The following RRN3 variants were observed in gnomAD, a reference collection of about 807,000 sequenced individuals.
RRN3 encodes RNA polymerase I transcription factor RRN3, also known as RNA polymerase I-specific transcription initiation factor RRN3.
Under a neutral mutation model 82.3 loss-of-function variants are expected in RRN3, and 38 were observed. The ratio of observed to expected loss-of-function variants is 0.46; its 90% confidence interval spans 0.36 to 0.61. The LOEUF is 0.61. Among genes scored for constraint, RRN3 ranks in the 20% least tolerant of loss-of-function variants. RRN3 has a pLI of 0.00. For synonymous variants in RRN3, 284 were observed against 284.3 expected (o/e 1.00, Z 0.01); for missense variants, 726 against 793.1 (o/e 0.92, Z 1.02).
intron 7 of RRN3, among the ~76,000 whole-genome samples, chr16:15,084,000 G>A (rs549222319): frequency 6.6e-6 from 1 of 152,336 alleles, no homozygotes; most frequent in South Asian, 2.1e-4. Context: ...ACAGGCGTGA[G>A]CCACCGCGCC....
intron 7 of RRN3, 22 bp from the exon 8 acceptor site, chr16:15,083,604 A>G (rs1308985642): frequency 6.3e-7 from 1 of 1,587,576 alleles, no homozygotes; most frequent in Non-Finnish European, 8.6e-7. Context: ...AAATTAAATC[A>G]ATCCATGTTA....
At chr16:15,065,096 G>T in intron 16 of RRN3, 123 bp downstream of exon 16, 10 of 942,152 alleles carry the variant, frequency 1.1e-5, no homozygotes, top group Non-Finnish European at 1.6e-5. Context: ...AACCCGGGAG[G>T]CGGAGCTTGC....
intron 2 of RRN3, among the ~76,000 whole-genome samples, chr16:15,091,676 T>C (rs1205383505): frequency 2.0e-5 from 3 of 152,230 alleles, no homozygotes; most frequent in African/African-American, 4.8e-5. Flanking sequence ...CAGCCAGCTA[T>C]AATGATCTAA....
intron 10 of RRN3, among the ~76,000 whole-genome samples, chr16:15,076,229 A>C (rs1470981029): frequency 6.6e-6 from 1 of 152,214 alleles, no homozygotes; most frequent in East Asian, 1.9e-4. Context: ...AAAGTGTACA[A>C]GTGGTAAAAT....
chr16:15,062,151 G>C (rs182437026), intron 17 of RRN3, among the ~76,000 whole-genome samples: 1 of 152,174 alleles, frequency 6.6e-6, no homozygotes, highest in Non-Finnish European at 1.5e-5. Flanking sequence ...CATGTCTCTA[G>C]AAAAACAGAA....
intron 15 of RRN3, among the ~76,000 whole-genome samples, chr16:15,066,455 A>G (rs2044977529): frequency 1.3e-5 from 2 of 152,028 alleles, no homozygotes; most frequent in Admixed American, 6.6e-5. Flanking sequence ...CAACATGATG[A>G]AACCCCATCT....
chr16:15,093,603 C>T (rs2046228945), intron 1 of RRN3, among the ~76,000 whole-genome samples: 2 of 152,150 alleles, frequency 1.3e-5, no homozygotes, highest in African/African-American at 4.8e-5. Flanking sequence ...AGGTTTGCTT[C>T]ACTTACACGT....
intron 2 of RRN3, 135 bp downstream of exon 2, chr16:15,092,374 A>G (rs1346189171): frequency 6.0e-6 from 4 of 668,670 alleles, no homozygotes; most frequent in Non-Finnish European, 1.1e-5. Context: ...CACTGACGGC[A>G]TCATGCTATT....
At chr16:15,064,791 CTCA>C (rs898942163) in intron 16 of RRN3, among the ~76,000 whole-genome samples, 2 of 152,320 alleles carry the variant, frequency 1.3e-5, no homozygotes, top group African/African-American at 2.4e-5. Flanking sequence ...CCACGAGATG[CTCA>C]TCAACAGCGA....
At chr16:15,083,686 G>A (rs1163761756) in intron 7 of RRN3, 104 bp from the exon 8 acceptor site, 5 of 1,501,238 alleles carry the variant, frequency 3.3e-6, no homozygotes, top group East Asian at 2.3e-5. Flanking sequence ...GACATAGGAG[G>A]CAAACAGGAA....
intron 16 of RRN3, among the ~76,000 whole-genome samples, 163 bp from the exon 17 acceptor site, chr16:15,063,446 C>G (rs1267524533): frequency 6.6e-6 from 1 of 152,108 alleles, no homozygotes; most frequent in African/African-American, 2.4e-5. Context: ...CAGTGGCTCA[C>G]GCCTGTAATC....
chr16:15,063,264 G>A lies in RRN3; in HGVS notation c.1726C>T (p.Pro576Ser), dbSNP rs1409113088. The A allele has an allele frequency of 3.1e-6, 5 of 1,612,708 alleles. No individual in the cohort carries two copies. The highest frequency in any genetic ancestry group is 1.3e-5 in the African/African-American group (1 of 74,854). ...VLKRSKKFID[P>S]IYQVWEDMSA... ...ATGTCTTCCCACACCTGATAAATAG[G>A]ATCAATGAATTTCTTTGACCTGTCA... The change falls in exon 17 of 18, where the codon CCT (proline) becomes TCT (serine). Residue 576 changes from proline (P) to serine (S), a missense_variant. Pro to Ser is a moderately conservative substitution (Grantham distance 74, BLOSUM62 -1). Coordinates refer to ENST00000198767, the MANE Select transcript of RRN3 (RefSeq NM_018427.5).
At chr16:15,066,505 C>T (rs2044979845) in intron 15 of RRN3, among the ~76,000 whole-genome samples, 2 of 151,774 alleles carry the variant, frequency 1.3e-5, no homozygotes, top group South Asian at 2.1e-4. Flanking sequence ...TGGTGGCAGG[C>T]GCCTGTAGTC....
At position 15,073,097 on chromosome 16, in the gene RRN3, G is replaced by A; in HGVS notation, c.998-17C>T. 2 of 1,601,430 alleles carry A rather than the reference G, an allele frequency of 1.2e-6. No individual in the cohort carries two copies. Among genetic ancestry groups the A allele is most frequent in the Non-Finnish European group, 1.7e-6 (2 of 1,176,864 alleles). On this transcript the variant is annotated splice_polypyrimidine_tract_variant and intron_variant, in intron 11 of 17. Transcript: ENST00000198767. Reference sequence around the variant, plus strand: ...CAACCTTACCTATGGAGAAAATCTGGCATCTCAGTTTTTATAAAGACATAT... The same window carrying A: ...CAACCTTACCTATGGAGAAAATCTGACATCTCAGTTTTTATAAAGACATAT...
rs755906899 is a variant in RRN3, at chr16:15,094,224, G to A, written c.10C>T (p.Pro4Ser). The A allele has an allele frequency of 3.1e-6, 5 of 1,590,834 alleles. No individual in the cohort carries two copies. The Admixed American group carries it at 5.3e-5, about 17-fold the overall frequency. MAA[P>S]LLHTRLPGDA... ...CCCGGCAAACGCGTGTGAAGCAGCG[G>A]TGCCGCCATTGGGCCGAACTAACGC... The change falls in exon 1 of 18, where the codon CCG (proline) becomes TCG (serine). Residue 4 changes from proline to serine, a missense_variant. By Grantham distance (74) the Pro-to-Ser change is moderately conservative. This residue lies in a region of RRN3 where 135 missense variants were observed against 87.4 expected (regional missense o/e 1.55). Transcript: ENST00000198767.
intron 2 of RRN3, 25 bp from the exon 3 acceptor site, chr16:15,091,396 A>C: frequency 6.5e-7 from 1 of 1,539,542 alleles, no homozygotes; most frequent in South Asian, 1.1e-5. Context: ...GAAAGAATTA[A>C]GTTATGCTTT....
rs1024163291 is a variant in RRN3 at position 15,089,680 on chromosome 16, G to A, written c.252+1635C>T. Among the ~76,000 whole-genome samples, 13 of 148,386 alleles carry A rather than the reference G, an allele frequency of 8.8e-5. No individual in the cohort carries two copies. In the East Asian group the frequency reaches 1.0e-3, roughly 12 times the overall value. On this transcript the variant is annotated intron_variant, in intron 3 of 17. Coordinates refer to ENST00000198767, the MANE Select transcript of RRN3 (RefSeq NM_018427.5). ...CTGGCGGTGGTGGCGGGCGAGTGTA[G>A]TCTCAGCTACTTGGGAGGCTGAGGC...
chr16:15,086,473 T>A lies in RRN3; in HGVS notation c.253-19A>T. Reference sequence around the variant, plus strand: ...GGTCATCCTTAAGTTAAACAAAGAGTACTTTCAAAATCACAAATCCTCTAA... The same window carrying A: ...GGTCATCCTTAAGTTAAACAAAGAGAACTTTCAAAATCACAAATCCTCTAA... On this transcript the variant is annotated intron_variant, in intron 3 of 17. Coordinates refer to ENST00000198767, the MANE Select transcript of RRN3 (RefSeq NM_018427.5). The A allele has an allele frequency of 6.2e-7, 1 of 1,609,374 alleles. No individual in the cohort carries two copies. The highest frequency in any genetic ancestry group is 8.5e-7 in the Non-Finnish European group (1 of 1,178,594).
intron 9 of RRN3, 72 bp downstream of exon 9, chr16:15,079,926 G>C: frequency 1.4e-6 from 2 of 1,436,616 alleles, no homozygotes; most frequent in Non-Finnish European, 1.9e-6. Flanking sequence ...ACTGACTATT[G>C]TTTCCACATA....
Sources: allele counts gnomAD v4.1 joint callset (sites outside exome capture counted in the v4.1 genomes callset), GRCh38; gene constraint gnomAD v4.1.1; regional missense constraint gnomAD v4.1.1; transcripts MANE v1.5; gene names NCBI Gene and HGNC (gene_info 2026-07-23, HGNC 2026-07-21).